The following ZDHHC14 variants were observed in gnomAD, a reference collection of about 807,000 sequenced individuals.
ZDHHC14 encodes zDHHC palmitoyltransferase 14.
In ZDHHC14, 16 loss-of-function variants were observed where a neutral mutation model predicts 47.7. The ratio of observed to expected loss-of-function variants is 0.34; its 90% CI spans 0.23 to 0.51. ZDHHC14 has a LOEUF of 0.51. Ranked by LOEUF, ZDHHC14 falls within the 20% of genes least tolerant of loss-of-function variation. ZDHHC14 has a pLI of 0.97. For synonymous variants in ZDHHC14, 293 were observed against 278.9 expected (o/e 1.05, Z -0.50); for missense variants, 515 against 662.5 (o/e 0.78, Z 2.44).
chr6:157,601,999 C>G (rs1250345848), intron 3 of ZDHHC14, among the ~76,000 whole-genome samples: 5 of 150,612 alleles, frequency 3.3e-5, no homozygotes, highest in Non-Finnish European at 5.9e-5. Context: ...GTCAAGAGAT[C>G]AAGACCATCC....
intron 3 of ZDHHC14, among the ~76,000 whole-genome samples, chr6:157,611,512 C>G (rs1784748875): frequency 1.3e-5 from 2 of 152,132 alleles, no homozygotes; most frequent in African/African-American, 4.8e-5. Context: ...ATTTCTGGGG[C>G]CTCCCGGGCA....
chr6:157,549,234 AGCTTC>A (rs1444305267), intron 2 of ZDHHC14, among the ~76,000 whole-genome samples: 4 of 152,196 alleles, frequency 2.6e-5, no homozygotes, highest in African/African-American at 4.8e-5. Flanking sequence ...TACAGCCTCG[AGCTTC>A]GAAACAGAAA....
intron 7 of ZDHHC14, among the ~76,000 whole-genome samples, chr6:157,647,684 GGTT>G (rs1777631268): frequency 6.6e-6 from 1 of 152,194 alleles, no homozygotes; most frequent in African/African-American, 2.4e-5. Context: ...AGGGAGCTGT[GGTT>G]AGCATCGTCA....
intron 1 of ZDHHC14, among the ~76,000 whole-genome samples, chr6:157,402,394 C>T (rs940562684): frequency 6.6e-6 from 1 of 151,376 alleles, no homozygotes; most frequent in South Asian, 2.1e-4. Context: ...CTGCCAAGGT[C>T]GCAGCGGGAG....
intron 1 of ZDHHC14, among the ~76,000 whole-genome samples, chr6:157,514,508 A>G (rs764735584): frequency 5.9e-5 from 9 of 152,200 alleles, no homozygotes; most frequent in Non-Finnish European, 1.0e-4. Flanking sequence ...GTGATTAAAT[A>G]CTCTGATATC....
chr6:157,529,881 T>G (rs1175851830), intron 1 of ZDHHC14, among the ~76,000 whole-genome samples: 1 of 152,212 alleles, frequency 6.6e-6, no homozygotes, highest in Non-Finnish European at 1.5e-5. Flanking sequence ...GTTATGAAAC[T>G]TATTAGCTAA....
intron 8 of ZDHHC14, among the ~76,000 whole-genome samples, chr6:157,669,777 T>A (rs1015257914): frequency 3.9e-5 from 6 of 152,238 alleles, no homozygotes; most frequent in Non-Finnish European, 8.8e-5. Context: ...GCAAGGGCGC[T>A]GGCTTGCCAG....
intron 7 of ZDHHC14, among the ~76,000 whole-genome samples, chr6:157,649,654 A>C (rs1317146702): frequency 1.3e-5 from 2 of 152,188 alleles, no homozygotes; most frequent in Admixed American, 1.3e-4. Flanking sequence ...TGTGCCATGC[A>C]AATAAGGCAG....
At chr6:157,400,366 C>T (rs1777609690) in intron 1 of ZDHHC14, among the ~76,000 whole-genome samples, 1 of 152,200 alleles carries the variant, frequency 6.6e-6, no homozygotes, top group Admixed American at 6.5e-5. Flanking sequence ...ACTGGATAGC[C>T]CCTGCTGCAC....
At chr6:157,611,796 T>C (rs1362040764) in intron 3 of ZDHHC14, among the ~76,000 whole-genome samples, 3 of 152,216 alleles carry the variant, frequency 2.0e-5, no homozygotes, top group African/African-American at 7.2e-5. Context: ...ACTTTCCCTG[T>C]TTGTGCATCT....
intron 1 of ZDHHC14, among the ~76,000 whole-genome samples, chr6:157,421,238 G>A (rs1211936033): frequency 1.1e-4 from 16 of 151,908 alleles, no homozygotes; most frequent in Admixed American, 9.2e-4. Context: ...GGTGGCTCAC[G>A]CTTGTAATCC....
At chr6:157,574,448 A>G (rs1183342145) in intron 2 of ZDHHC14, among the ~76,000 whole-genome samples, 2 of 152,116 alleles carry the variant, frequency 1.3e-5, no homozygotes, top group Non-Finnish European at 2.9e-5. Context: ...CACCCGTGTC[A>G]TTGCTGAATA....
At chr6:157,556,015 A>G (rs1562479189) in intron 2 of ZDHHC14, among the ~76,000 whole-genome samples, 1 of 152,148 alleles carries the variant, frequency 6.6e-6, no homozygotes. Flanking sequence ...GCAGGCCATG[A>G]ATGGCCGGAG....
At chr6:157,461,535 T>G (rs1007996739) in intron 1 of ZDHHC14, among the ~76,000 whole-genome samples, 7 of 152,112 alleles carry the variant, frequency 4.6e-5, no homozygotes, top group Non-Finnish European at 7.4e-5. Flanking sequence ...GCAAAGGCAT[T>G]TGGATTAGTG....
intron 2 of ZDHHC14, among the ~76,000 whole-genome samples, chr6:157,562,775 AT>A (rs1782758947): frequency 6.6e-6 from 1 of 152,156 alleles, no homozygotes; most frequent in Non-Finnish European, 1.5e-5. Context: ...GGAGCGTTTT[AT>A]GTGTGTGAAG....
chr6:157,516,808 A>C (rs1046015158), intron 1 of ZDHHC14, among the ~76,000 whole-genome samples: 7 of 152,216 alleles, frequency 4.6e-5, no homozygotes, highest in African/African-American at 7.2e-5. Context: ...ACTGCAACGC[A>C]TTAAGTTAAT....
chr6:157,457,285 C>T (rs1778942710), intron 1 of ZDHHC14, among the ~76,000 whole-genome samples: 1 of 151,968 alleles, frequency 6.6e-6, no homozygotes, highest in Non-Finnish European at 1.5e-5. Flanking sequence ...CCAGCGTGGG[C>T]TCTGGGAACT....
At chr6:157,439,468 C>T (rs1272573853) in intron 1 of ZDHHC14, among the ~76,000 whole-genome samples, 1 of 152,172 alleles carries the variant, frequency 6.6e-6, no homozygotes, top group African/African-American at 2.4e-5. Flanking sequence ...GATACCATCT[C>T]ACACCAGTCA....
intron 1 of ZDHHC14, among the ~76,000 whole-genome samples, chr6:157,423,953 G>A (rs1778162264): frequency 6.6e-6 from 1 of 152,180 alleles, no homozygotes; most frequent in Non-Finnish European, 1.5e-5. Context: ...CGCTTGTGTA[G>A]CTCCCAAACA....
Sources: allele counts gnomAD v4.1 joint callset (sites outside exome capture counted in the v4.1 genomes callset), GRCh38; gene constraint gnomAD v4.1.1; transcripts MANE v1.5; gene names NCBI Gene and HGNC (gene_info 2026-07-23, HGNC 2026-07-21).